RB1: variants seen among roughly 807,000 people sequenced by gnomAD.
The protein encoded by RB1 is retinoblastoma-associated protein.
RB1 carries 18 observed loss-of-function variants against 135.4 expected under a neutral mutation model. That is an observed-to-expected ratio of 0.13 (90% CI 0.09 to 0.20). The LOEUF is 0.20. Among genes scored for constraint, RB1 ranks in the 10% least tolerant of loss-of-function variants. RB1 has a pLI of 1.00. For missense variants in RB1, 868 were observed against 1,110.0 expected (o/e 0.78, Z 3.10); for synonymous variants, 365 against 373.2 (o/e 0.98, Z 0.25).
At chr13:48,465,990 T>C (rs198592) in intron 23 of RB1, among the ~76,000 whole-genome samples, 122,613 of 138,550 alleles carry the variant, frequency 0.88, 55,670 homozygotes, top group East Asian at 1. Context: ...GAGGGGCGCC[T>C]GCCATTGCCC....
chr13:48,460,502 G>T (rs1293273744), intron 20 of RB1, among the ~76,000 whole-genome samples: 1 of 152,118 alleles, frequency 6.6e-6, no homozygotes, highest in African/African-American at 2.4e-5. Flanking sequence ...CTTTTTCTAT[G>T]TAGTAGTGAG....
chr13:48,361,864 C>T (rs1361452564), intron 7 of RB1, among the ~76,000 whole-genome samples: 1 of 150,246 alleles, frequency 6.7e-6, no homozygotes, highest in Non-Finnish European at 1.5e-5. Flanking sequence ...TTAACATGTT[C>T]TTCTGTCCTC....
chr13:48,333,179 A>G (rs796366983), intron 2 of RB1: 9 of 395,720 alleles, frequency 2.3e-5, no homozygotes, highest in Middle Eastern at 6.4e-4. Flanking sequence ...TCGTTTGTCA[A>G]TTGTACCTCC....
chr13:48,411,192 T>C (rs1257318843), intron 17 of RB1: 2 of 489,862 alleles, frequency 4.1e-6, no homozygotes. Context: ...CTCAGAAAAA[T>C]CAGATGGAGT....
intron 23 of RB1, 133 bp downstream of exon 23, chr13:48,465,501 C>A: frequency 2.0e-6 from 2 of 1,024,328 alleles, no homozygotes; most frequent in Non-Finnish European, 2.9e-6. Context: ...ATTTAAGTAA[C>A]ATAATAAGAA....
Position 48,381,265 on chromosome 13 carries a change from T to C in RB1, c.1517T>C (p.Leu506Pro). Residue 506 changes from leucine to proline, a missense_variant, in exon 17 of 27, where the codon CTT becomes CCT. Leu to Pro is a moderately conservative substitution (Grantham distance 98). Transcript: ENST00000267163. Reference protein sequence around the residue: ...ATYSRSTSQNLDSGTDLSFPW... With the variant: ...ATYSRSTSQNPDSGTDLSFPW... The stretch of plus-strand genomic sequence containing the variant: ...TTTTTAGGAAGTACATCTCAGAATC[T>C]TGATTCTGGAACAGATTTGTCTTTC... 1 of 1,610,444 alleles carries C rather than the reference T, an allele frequency of 6.2e-7. No individual in the cohort carries two copies. Among genetic ancestry groups the C allele is most frequent in the Non-Finnish European group, 8.5e-7 (1 of 1,178,618 alleles).
At chr13:48,374,835 A>G (rs747378584) in intron 12 of RB1, among the ~76,000 whole-genome samples, 5 of 151,836 alleles carry the variant, frequency 3.3e-5, no homozygotes, top group Non-Finnish European at 5.9e-5. Flanking sequence ...TTATGTTTTT[A>G]TACAGTTTTT....
intron 14 of RB1, 122 bp downstream of exon 14, chr13:48,379,772 C>T: frequency 1.1e-5 from 14 of 1,274,912 alleles, no homozygotes; most frequent in Non-Finnish European, 1.4e-5. Flanking sequence ...TCATCCTGGC[C>T]AAAATGGTGA....
At chr13:48,317,562 A>G in intron 2 of RB1, 2 of 438,620 alleles carry the variant, frequency 4.6e-6, no homozygotes, top group South Asian at 2.1e-5. Flanking sequence ...GCAGCTGAAT[A>G]AAAGCACTTC....
intron 2 of RB1, chr13:48,318,617 G>T: frequency 1.6e-6 from 1 of 611,446 alleles, no homozygotes. Flanking sequence ...ACGCCTGGCT[G>T]TGGTCGGCAT....
Position 48,379,667 on chromosome 13 carries a change from A to G in RB1, c.1389+17A>G. ...CTTAAATCAGTAAGTTAAAAACAAT[A>G]TAAAAAAATTTCAGCCGGGCGCGGT... On this transcript the variant is annotated intron_variant, in intron 14 of 26. Coordinates refer to ENST00000267163, the MANE Select transcript of RB1 (RefSeq NM_000321.3). The G allele has an allele frequency of 6.2e-7, 1 of 1,608,402 alleles. No homozygotes were observed. The highest frequency in any genetic ancestry group is 8.5e-7 in the Non-Finnish European group (1 of 1,177,664).
intron 17 of RB1, among the ~76,000 whole-genome samples, chr13:48,419,452 C>T (rs925639631): frequency 6.6e-6 from 1 of 152,092 alleles, no homozygotes; most frequent in African/African-American, 2.4e-5. Context: ...GTAAAATTGA[C>T]ACCCTAACAT....
intron 2 of RB1, chr13:48,318,043 G>A: frequency 1.9e-6 from 1 of 525,558 alleles, no homozygotes. Context: ...TGGGAGCTGG[G>A]CCCTGGCATT....
chr13:48,377,019 C>T lies in RB1; in HGVS notation c.1317C>T (p.Val439=), dbSNP rs1952832303. The change falls in exon 13 of 27, where the codon GTC becomes GTT. Residue 439 remains valine, a synonymous_variant. Transcript: ENST00000267163. The part of the protein sequence containing the change: ...KFAKAVGQGC[V]EIGSQRYKLG... The stretch of plus-strand genomic sequence containing the variant: ...CTAAAGCTGTGGGACAGGGTTGTGT[C>T]GAAATTGGATCACAGGTAACTTGAA... 3.1e-6 allele frequency: 5 copies of T among 1,613,416 alleles called. No homozygotes were observed. The highest frequency in any genetic ancestry group is 1.1e-5 in the South Asian group (1 of 91,050).
At chr13:48,342,159 A>G (rs1952450354) in intron 2 of RB1, among the ~76,000 whole-genome samples, 1 of 152,010 alleles carries the variant, frequency 6.6e-6, no homozygotes, top group South Asian at 2.1e-4. Context: ...AAATAATTGA[A>G]TAAATAAATT....
intron 17 of RB1, chr13:48,404,386 C>T (rs1948720549): frequency 6.6e-6 from 1 of 151,760 alleles, no homozygotes; most frequent in Admixed American, 6.6e-5. Flanking sequence ...AATATTTATT[C>T]ATTACCATAA....
At chr13:48,345,687 T>C (rs1952486551) in intron 4 of RB1, among the ~76,000 whole-genome samples, 1 of 152,196 alleles carries the variant, frequency 6.6e-6, no homozygotes, top group Admixed American at 6.5e-5. Context: ...GTTAAGTTTT[T>C]TCTATACTTT....
Position 48,412,669 on chromosome 13 carries a change from G to C in RB1, c.1695+31226G>C. 3 of 537,196 alleles carry C rather than the reference G, an allele frequency of 5.6e-6. No homozygotes were observed. The South Asian group carries it at 6.4e-5, about 11-fold the overall frequency. 33.3% of individuals were successfully genotyped at this position (537,196 alleles called of 1,614,324 possible). A position where few individuals can be genotyped will look rare whatever the true frequency, so the allele number is the denominator to read the frequency against. On this transcript the variant is annotated intron_variant, in intron 17 of 26. Transcript: ENST00000267163. ...ATTTGTTAGTCTTTAGAAAATCCATGAATTCCAAGGCTCAGTTAACTGACG... is the reference window on the plus strand; with the variant it reads ...ATTTGTTAGTCTTTAGAAAATCCATCAATTCCAAGGCTCAGTTAACTGACG...
At chr13:48,412,197 T>TA in intron 17 of RB1, 1 of 1,613,924 alleles carries the variant, frequency 6.2e-7, no homozygotes, top group Non-Finnish European at 8.5e-7. Context: ...TGTTGTGAAG[T>TA]AAAAAATCCT....
Sources: gnomAD v4.1 joint callset for allele counts (sites outside exome capture counted in the v4.1 genomes callset) on GRCh38, gnomAD v4.1.1 for gene constraint, MANE v1.5 for transcripts, NCBI Gene and HGNC (gene_info 2026-07-23, HGNC 2026-07-21) for gene names.